The following ZNF544 variants were observed in gnomAD, a reference collection of about 807,000 sequenced individuals.
ZNF544 encodes zinc finger protein AF020591.
A neutral mutation model predicts 13.5 loss-of-function variants in ZNF544; 10 were observed. The ratio of observed to expected loss-of-function variants is 0.74; its 90% CI spans 0.46 to 1.25. The LOEUF (loss-of-function observed/expected upper bound fraction) is 1.25. Among genes scored for constraint, ZNF544 ranks in the 50% most tolerant of loss-of-function variants. ZNF544 has a pLI of 0.00. For missense variants in ZNF544, 896 were observed against 845.6 expected, an observed-to-expected ratio of 1.06 and a Z score of -0.74; for synonymous variants, 323 against 300.5, an observed-to-expected ratio of 1.07 and a Z score of -0.77.
At chr19:58,255,184 A>G (rs260451) in intron 6 of ZNF544, among the ~76,000 whole-genome samples, 76,508 of 146,648 alleles carry the variant, frequency 0.52, 19,634 homozygotes, top group Middle Eastern at 0.68. Flanking sequence ...CACAGCGCCC[A>G]GCCTTAGACG....
downstream of ZNF544, among the ~76,000 whole-genome samples, chr19:58,264,356 C>T (rs919256895): frequency 6.9e-6 from 1 of 144,324 alleles, no homozygotes; most frequent in Admixed American, 7.1e-5. Context: ...TGTGCTCCAG[C>T]CTGGGCAACA....
At chr19:58,270,113 A>T (rs2050445406) in intron 5 of ZNF544, among the ~76,000 whole-genome samples, 1 of 152,204 alleles carries the variant, frequency 6.6e-6, no homozygotes, top group South Asian at 2.1e-4. Flanking sequence ...ATTCTGCTAG[A>T]TGGTTATAGT....
chr19:58,262,687 G>A lies in ZNF544; in HGVS notation c.2081G>A (p.Gly694Glu). 6.2e-7 allele frequency: 1 copy of A among 1,612,656 alleles called. No individual in the cohort carries two copies. The highest frequency in any genetic ancestry group is 8.5e-7 in the Non-Finnish European group (1 of 1,178,904). ...GEKPYECSDC[G>E]KSFRQQSQLV... ...AAACCCTATGAATGTAGTGACTGTGGGAAATCCTTCCGGCAGCAATCTCAA... is the reference window on the plus strand; with the variant it reads ...AAACCCTATGAATGTAGTGACTGTGAGAAATCCTTCCGGCAGCAATCTCAA... Residue 694 changes from glycine (G) to glutamate (E), a missense_variant, in exon 7 of 7, where the codon GGG becomes GAG. Coordinates refer to ENST00000687789, the MANE Select transcript of ZNF544 (RefSeq NM_014480.4).
chr19:58,235,975 G>A (rs1002815422), intron 3 of ZNF544, among the ~76,000 whole-genome samples: 13 of 151,852 alleles, frequency 8.6e-5, no homozygotes, highest in Admixed American at 1.3e-4. Context: ...CAGGAGAATC[G>A]CTTGAACCCA....
At chr19:58,229,897 A>C (rs1004522445) in intron 2 of ZNF544, 1 of 152,602 alleles carries the variant, frequency 6.6e-6, no homozygotes, top group Non-Finnish European at 1.5e-5. Context: ...ACTCCGTGTA[A>C]GGAGGGATGC....
Position 58,246,592 on chromosome 19 carries a change from C to T in ZNF544, c.161-119C>T, listed in dbSNP as rs79417290. ...TTCTATCTCTGGGACAGGTTTGTGA[C>T]TTGTAGTCCTAACAGTGGGGAGTTT... On this transcript the variant is annotated intron_variant, in intron 5 of 6. Coordinates refer to ENST00000687789, the MANE Select transcript of ZNF544 (RefSeq NM_014480.4). The T allele has an allele frequency of 2.8e-5, 41 of 1,457,824 alleles. No individual in the cohort carries two copies. The East Asian group carries it at 7.7e-4, about 28-fold the overall frequency. The allele number at this position is 1,457,824 out of a possible 1,614,324, so 90.3% of individuals were successfully genotyped here.
intron 4 of ZNF544, among the ~76,000 whole-genome samples, chr19:58,246,021 A>G (rs754126981): frequency 7.2e-5 from 11 of 152,238 alleles, no homozygotes; most frequent in Non-Finnish European, 1.2e-4. Context: ...TCCAAGATCA[A>G]TGTGTCAACA....
intron 3 of ZNF544, among the ~76,000 whole-genome samples, chr19:58,239,499 C>T (rs2043114321): frequency 6.6e-6 from 1 of 152,220 alleles, no homozygotes; most frequent in African/African-American, 2.4e-5. Context: ...CTGGTGTTCA[C>T]TGTGTGCGGG....
rs568335282 is a variant in ZNF544, at chr19:58,241,499, C to CT, written c.-59-2451dup. 4.8e-3 allele frequency among the ~76,000 whole-genome samples: 672 copies of CT among 138,930 alleles called. 2 individuals carry two copies. Among genetic ancestry groups the CT allele is most frequent in the Middle Eastern group, 0.016 (4 of 258 alleles). The allele number at this position is 138,930 out of a possible 152,430, so 91.1% of individuals were successfully genotyped here. ...AATTCTAATCATTCACATTCCATTT[C>CT]TTTTTTTTTTTTTTTGAGGTGGAGT... is the stretch of plus-strand genomic sequence containing the variant. On this transcript the variant is annotated intron_variant, in intron 3 of 6. Transcript: ENST00000687789.
At chr19:58,257,023 G>A (rs943958377) in intron 6 of ZNF544, among the ~76,000 whole-genome samples, 2 of 152,074 alleles carry the variant, frequency 1.3e-5, no homozygotes, top group South Asian at 2.1e-4. Flanking sequence ...CCAGGTTCAC[G>A]CCATTCTCCT....
chr19:58,269,334 C>T (rs2050319246), intron 5 of ZNF544, among the ~76,000 whole-genome samples: 1 of 152,088 alleles, frequency 6.6e-6, no homozygotes, highest in Non-Finnish European at 1.5e-5. Flanking sequence ...ATTCAGGAGG[C>T]TGAGGCAGGA....
chr19:58,266,549 A>G (rs1188388723), downstream of ZNF544: 2 of 149,446 alleles, frequency 1.3e-5, no homozygotes, highest in African/African-American at 4.9e-5. Flanking sequence ...AGATGGAAGT[A>G]TAGCCAATAG....
intron 6 of ZNF544, among the ~76,000 whole-genome samples, chr19:58,251,614 T>C (rs2046315871): frequency 6.6e-6 from 1 of 152,234 alleles, no homozygotes; most frequent in Non-Finnish European, 1.5e-5. Context: ...TAAAGCCTGC[T>C]GAAATAATCC....
intron 3 of ZNF544, among the ~76,000 whole-genome samples, chr19:58,242,691 TCTTTG>T (rs2044164750): frequency 1.3e-5 from 2 of 151,834 alleles, no homozygotes; most frequent in African/African-American, 4.8e-5. Context: ...TTTTGTGTTT[TCTTTG>T]TTTTGTTTTG....
At chr19:58,268,593 A>C (rs1304910631), downstream of ZNF544, among the ~76,000 whole-genome samples, 1 of 152,260 alleles carries the variant, frequency 6.6e-6, no homozygotes, top group Non-Finnish European at 1.5e-5. Flanking sequence ...TTCCTTAGGC[A>C]GTTTGTCCCT....
intron 3 of ZNF544, among the ~76,000 whole-genome samples, chr19:58,236,869 G>T (rs1216186325): frequency 1.3e-5 from 2 of 151,216 alleles, no homozygotes; most frequent in Non-Finnish European, 1.5e-5. Flanking sequence ...AGCCTCCCAA[G>T]TAGCTGAGAC....
At chr19:58,239,347 C>T (rs2043080360) in intron 3 of ZNF544, among the ~76,000 whole-genome samples, 1 of 151,476 alleles carries the variant, frequency 6.6e-6, no homozygotes, top group African/African-American at 2.4e-5. Context: ...TTCCCCCCTC[C>T]ACTCCCACCA....
Position 58,261,497 on chromosome 19 carries a change from G to A in ZNF544, c.891G>A (p.Gln297=), listed in dbSNP as rs753281321. 30 of 1,614,084 alleles carry A rather than the reference G, an allele frequency of 1.9e-5. No homozygotes were observed. The highest frequency in any genetic ancestry group is 5.0e-5 in the Admixed American group (3 of 60,000). The change falls in exon 7 of 7, where the codon CAG becomes CAA. Residue 297 remains glutamine (Q), a synonymous_variant. Transcript: ENST00000687789. The stretch of plus-strand genomic sequence containing the variant: ...AGCCAGTGCATTTTGGGAAAAGTCA[G>A]TATGAGTGTGATGAGTGCAGGGAAA... ...EQKPVHFGKS[Q]YECDECRETC...
chr19:58,230,456 G>A lies in ZNF544; in HGVS notation c.-66G>A, dbSNP rs1226983100. ...AAAGAGACCCGTTCAGAGTCCTACA[G>A]TGGCAGGTAATGGAGCCAGTACTTT... On this transcript the variant is annotated 5_prime_UTR_variant, in exon 3 of 7. The change creates a new upstream start codon in the 5' untranslated region. Coordinates refer to ENST00000687789, the MANE Select transcript of ZNF544 (RefSeq NM_014480.4). The A allele has an allele frequency of 6.6e-6, 1 of 152,306 alleles. No individual in the cohort carries two copies. Among genetic ancestry groups the A allele is most frequent in the East Asian group, 1.9e-4 (1 of 5,200 alleles). 9.4% of individuals were successfully genotyped at this position (152,306 alleles called of 1,614,324 possible). A position where few individuals can be genotyped will look rare whatever the true frequency, so the allele number is the denominator to read the frequency against.
Sources: gnomAD v4.1 joint callset for allele counts (sites outside exome capture counted in the v4.1 genomes callset) on GRCh38, gnomAD v4.1.1 for gene constraint, MANE v1.5 for transcripts, NCBI Gene and HGNC (gene_info 2026-07-23, HGNC 2026-07-21) for gene names.